JAK1: variants seen among roughly 807,000 people sequenced by gnomAD.
The protein encoded by JAK1 is Janus kinase 1.
JAK1 carries 16 observed loss-of-function variants against 136.6 expected under a neutral mutation model. The observed-to-expected ratio is 0.12, with a 90% CI of 0.08 to 0.18. The LOEUF (loss-of-function observed/expected upper bound fraction) is 0.18. Among genes scored for constraint, JAK1 ranks in the 10% least tolerant of loss-of-function variants. JAK1 has a pLI of 1.00. For synonymous variants in JAK1, 492 were observed against 519.5 expected, an observed-to-expected ratio of 0.95 and a Z score of 0.72; for missense variants, 859 against 1,450.1, an observed-to-expected ratio of 0.59 and a Z score of 6.62.
intron 1 of JAK1, among the ~76,000 whole-genome samples, chr1:64,946,197 G>C (rs1645983098): frequency 1.3e-5 from 2 of 152,228 alleles, no homozygotes; most frequent in African/African-American, 4.8e-5. Flanking sequence ...CATCAGAGCT[G>C]AACAATACAG....
In JAK1 at chr1:64,882,571, TA is replaced by T. The variant is rs375288558; in HGVS notation, c.205+705del. ...GTGATTTAACTTAATTTCTATGATTTAACTTGTCATTTAAAATCAGGCAAGC... is the reference window on the plus strand; with the variant it reads ...GTGATTTAACTTAATTTCTATGATTTACTTGTCATTTAAAATCAGGCAAGC... On this transcript the variant is annotated intron_variant, in intron 3 of 24. Transcript: ENST00000342505. Among the ~76,000 whole-genome samples, 23 of 152,360 alleles carry T rather than the reference TA, an allele frequency of 1.5e-4. No homozygotes were observed. The East Asian group carries it at 4.2e-3, about 28-fold the overall frequency.
intron 1 of JAK1, among the ~76,000 whole-genome samples, chr1:64,930,726 T>C (rs1268018750): frequency 6.6e-6 from 1 of 152,178 alleles, no homozygotes; most frequent in Non-Finnish European, 1.5e-5. Flanking sequence ...CTGTTCACCA[T>C]AGCAAATACT....
chr1:64,997,479 C>A (rs1646714012), intron 2 of JAK1, among the ~76,000 whole-genome samples: 1 of 151,932 alleles, frequency 6.6e-6, no homozygotes, highest in Non-Finnish European at 1.5e-5. Context: ...GAAGGGGTGA[C>A]AAATTACTTA....
intron 1 of JAK1, chr1:64,918,353 C>CA (rs1645435342): frequency 6.6e-6 from 1 of 152,114 alleles, no homozygotes; most frequent in Non-Finnish European, 1.5e-5. Flanking sequence ...CATTAATTTT[C>CA]AATTACTTTA....
chr1:64,945,610 C>T (rs970176539), intron 1 of JAK1, among the ~76,000 whole-genome samples: 2 of 152,024 alleles, frequency 1.3e-5, no homozygotes, highest in Non-Finnish European at 2.9e-5. Flanking sequence ...CGAATATATA[C>T]TTACATTAAT....
chr1:64,884,113 C>T (rs1423338441), intron 2 of JAK1, among the ~76,000 whole-genome samples: 4 of 152,122 alleles, frequency 2.6e-5, no homozygotes, highest in East Asian at 3.9e-4. Flanking sequence ...CCAGGAGGAG[C>T]GGCAGGACTT....
intron 1 of JAK1, among the ~76,000 whole-genome samples, chr1:64,937,294 A>ATTC (rs1287904807): frequency 6.6e-6 from 1 of 152,206 alleles, no homozygotes; most frequent in African/African-American, 2.4e-5. Flanking sequence ...GCTCCACAGC[A>ATTC]TTCTTCTCCT....
chr1:65,014,392 G>A (rs1646875062), intron 2 of JAK1, among the ~76,000 whole-genome samples: 1 of 149,968 alleles, frequency 6.7e-6, no homozygotes, highest in South Asian at 2.1e-4. Flanking sequence ...AGGGAAAAAA[G>A]GAGGAAAAGG....
intron 2 of JAK1, among the ~76,000 whole-genome samples, chr1:65,031,961 C>CTT (rs68164546): frequency 2.2e-5 from 3 of 135,308 alleles, no homozygotes; most frequent in Non-Finnish European, 3.2e-5. Context: ...TTTTCTTTTT[C>CTT]TTTTTTTTTT....
At chr1:65,037,484 C>G (rs1430628432) in intron 2 of JAK1, among the ~76,000 whole-genome samples, 1 of 152,006 alleles carries the variant, frequency 6.6e-6, no homozygotes, top group African/African-American at 2.4e-5. Flanking sequence ...TTAAAAATCC[C>G]CTTTATTAAA....
intron 1 of JAK1, among the ~76,000 whole-genome samples, chr1:64,954,067 T>A (rs1646139293): frequency 6.6e-6 from 1 of 152,126 alleles, no homozygotes. Context: ...TTCAAAAACA[T>A]TAGGTTAGAA....
rs75579696 is a variant in JAK1, at chr1:64,904,026, A to G, written c.-77-17685T>C. The stretch of plus-strand genomic sequence containing the variant: ...ATAGCTAGTTCAGTGCTCTGAATCT[A>G]ACAGGTATATATTTGTTCAGTAACA... On this transcript the variant is annotated intron_variant, in intron 1 of 24. Coordinates refer to ENST00000342505, the MANE Select transcript of JAK1 (RefSeq NM_002227.4). Among the ~76,000 whole-genome samples, 457 of 152,344 alleles carry G rather than the reference A, an allele frequency of 3.0e-3. 1 individual carries two copies. The highest frequency in any genetic ancestry group is 0.01 in the African/African-American group (429 of 41,582).
chr1:64,933,154 ACCAC>A (rs1426498252), intron 1 of JAK1, among the ~76,000 whole-genome samples: 2 of 152,334 alleles, frequency 1.3e-5, no homozygotes, highest in East Asian at 3.9e-4. Flanking sequence ...TAAGGTGGGT[ACCAC>A]TGTTATCCCC....
intron 2 of JAK1, among the ~76,000 whole-genome samples, chr1:64,976,299 C>T (rs1483765297): frequency 6.6e-6 from 1 of 152,206 alleles, no homozygotes; most frequent in African/African-American, 2.4e-5. Flanking sequence ...TATGTATGAC[C>T]TGTGGACCCC....
chr1:65,042,164 C>T (rs1450064130), intron 2 of JAK1, among the ~76,000 whole-genome samples: 11 of 152,048 alleles, frequency 7.2e-5, no homozygotes. Flanking sequence ...AGTATAACAA[C>T]TATTTACATA....
chr1:64,931,382 A>C (rs1030143139), intron 1 of JAK1, among the ~76,000 whole-genome samples: 2 of 152,072 alleles, frequency 1.3e-5, no homozygotes, highest in African/African-American at 4.8e-5. Flanking sequence ...ATTCCCATCG[A>C]AAGTAAGGTT....
At chr1:64,839,145 CAAAAAAAA>C (rs56058898) in intron 20 of JAK1, among the ~76,000 whole-genome samples, 7 of 59,870 alleles carry the variant, frequency 1.2e-4, no homozygotes, top group African/African-American at 3.5e-4. Context: ...GACTCCGTCT[CAAAAAAAA>C]AAAAAAAAAA....
intron 8 of JAK1, among the ~76,000 whole-genome samples, chr1:64,862,168 T>G (rs538016447): frequency 2.0e-5 from 3 of 152,178 alleles, no homozygotes; most frequent in Non-Finnish European, 4.4e-5. Context: ...CATGGAGCAG[T>G]GGTCAACCCT....
At chr1:65,058,487 C>G (rs1647648209) in intron 1 of JAK1, 1 of 533,224 alleles carries the variant, frequency 1.9e-6, no homozygotes, top group Non-Finnish European at 3.8e-6. Context: ...AGCATCAGCA[C>G]TGTGATAACT....
Sources: gnomAD v4.1 joint callset for allele counts (sites outside exome capture counted in the v4.1 genomes callset) on GRCh38, gnomAD v4.1.1 for gene constraint, MANE v1.5 for transcripts, NCBI Gene and HGNC (gene_info 2026-07-23, HGNC 2026-07-21) for gene names.